Variants in BAZ1A observed in about 807,000 individuals in gnomAD.
BAZ1A encodes bromodomain adjacent to zinc finger domain 1A.
In BAZ1A, 50 loss-of-function variants were observed where a neutral mutation model predicts 185.2. The ratio of observed to expected loss-of-function variants is 0.27; its 90% CI spans 0.22 to 0.34. BAZ1A has a LOEUF of 0.34. BAZ1A is among the 10% of genes least tolerant of loss of function. BAZ1A has a pLI of 1.00. For synonymous variants in BAZ1A, 571 were observed against 615.6 expected (o/e 0.93, Z 1.07); for missense variants, 1,356 against 1,839.9 (o/e 0.74, Z 4.81).
Position 34,800,383 on chromosome 14 carries a change from T to A in BAZ1A, c.969A>T (p.Glu323Asp). The A allele has an allele frequency of 6.5e-7, 1 of 1,543,168 alleles. No individual in the cohort carries two copies. The highest frequency in any genetic ancestry group is 8.7e-7 in the Non-Finnish European group (1 of 1,153,880). The part of the protein sequence containing the change: ...KQEEMKSLAF[E>D]KAKLKREKAD... ...CTTTTTCTCTTTTTAATTTAGCCTT[T>A]TCAAAAGCTGTGAAGAAAAATCAAA... is the stretch of plus-strand genomic sequence containing the variant. Residue 323 changes from glutamate (E) to aspartate (D), a missense_variant, in exon 9 of 27, where the codon GAA (glutamate) becomes GAT (aspartate). Physicochemically the swap from Glu to Asp is conservative, Grantham distance 45 (BLOSUM62 2). Coordinates refer to ENST00000360310, the MANE Select transcript of BAZ1A (RefSeq NM_013448.3).
intron 3 of BAZ1A, among the ~76,000 whole-genome samples, chr14:34,859,871 G>A (rs765350611): frequency 3.3e-5 from 5 of 152,146 alleles, no homozygotes; most frequent in African/African-American, 4.8e-5. Context: ...TGGAGGAGTT[G>A]AGGAGTTGGG....
chr14:34,760,838 ATAAT>A (rs1886491595), intron 24 of BAZ1A, among the ~76,000 whole-genome samples: 1 of 151,892 alleles, frequency 6.6e-6, no homozygotes, highest in Admixed American at 6.6e-5. Flanking sequence ...AGTGACTGGT[ATAAT>A]TAATAATAAC....
chr14:34,775,744 A>G (rs3783317), intron 18 of BAZ1A, among the ~76,000 whole-genome samples, 175 bp downstream of exon 18: 87,452 of 152,088 alleles, frequency 0.58, 25,413 homozygotes, highest in South Asian at 0.67. Context: ...AGAGAATCTT[A>G]TTTCTATACA....
At chr14:34,866,502 A>AAAGAAAAGAAAG in intron 2 of BAZ1A, among the ~76,000 whole-genome samples, 1 of 79,538 alleles carries the variant, frequency 1.3e-5, no homozygotes, top group African/African-American at 3.8e-5. Context: ...AAAAAAAAAA[A>AAAGAAAAGAAAG]GAAAAAAGTT....
Position 34,810,982 on chromosome 14 carries a change from A to C in BAZ1A, c.591T>G (p.Thr197=), listed in dbSNP as rs759755505. 1 of 1,610,630 alleles carries C rather than the reference A, an allele frequency of 6.2e-7. No homozygotes were observed. The highest frequency in any genetic ancestry group is 1.1e-5 in the South Asian group (1 of 90,540). The change falls in exon 5 of 27, where the codon ACT becomes ACG. Residue 197 remains threonine, a synonymous_variant. Coordinates refer to ENST00000360310, the MANE Select transcript of BAZ1A (RefSeq NM_013448.3). ...TAGCAGACTCATGTAATTCTTTTTTAGTGGGTTGCACTTTATACTTGAATA... is the reference window on the plus strand; with the variant it reads ...TAGCAGACTCATGTAATTCTTTTTTCGTGGGTTGCACTTTATACTTGAATA... ...PLLFKYKVQP[T]KKELHESAIV...
chr14:34,777,644 C>CAAA (rs58853458), intron 17 of BAZ1A, among the ~76,000 whole-genome samples: 20 of 125,788 alleles, frequency 1.6e-4, no homozygotes, highest in South Asian at 2.6e-4. Context: ...ACTCTGTCTC[C>CAAA]AAAAAAAAAA....
At chr14:34,864,107 G>A (rs78760986) in intron 2 of BAZ1A, among the ~76,000 whole-genome samples, 484 of 152,128 alleles carry the variant, frequency 3.2e-3, no homozygotes, top group Middle Eastern at 6.8e-3. Flanking sequence ...ATAGGAATGA[G>A]CCACCAGACC....
chr14:34,832,335 A>T (rs2138732533), intron 3 of BAZ1A, among the ~76,000 whole-genome samples: 1 of 150,916 alleles, frequency 6.6e-6, no homozygotes, highest in East Asian at 1.9e-4. Flanking sequence ...TTATCTCAAA[A>T]TCTTCCAAGA....
rs1886094981 is a variant in BAZ1A at position 34,753,271 on chromosome 14, C to G, written c.*237G>C. On this transcript the variant is annotated 3_prime_UTR_variant, in exon 27 of 27. Coordinates refer to ENST00000360310, the MANE Select transcript of BAZ1A (RefSeq NM_013448.3). The stretch of plus-strand genomic sequence containing the variant: ...TGATCTCAAAAATGTACAAAAACCT[C>G]TGTAAACCAGTACTGTATCCAATAC... The G allele has an allele frequency of 4.7e-6, 2 of 421,536 alleles. No homozygotes were observed. Among genetic ancestry groups the G allele is most frequent in the Non-Finnish European group, 8.4e-6 (2 of 237,014 alleles). 26.1% of individuals were successfully genotyped at this position (421,536 alleles called of 1,614,324 possible).
At position 34,792,665 on chromosome 14, in the gene BAZ1A, C is replaced by A. The variant is rs980116319; in HGVS notation, c.1510+110G>T. On this transcript the variant is annotated intron_variant, in intron 12 of 26. Transcript: ENST00000360310. ...ATGATTCAACATCAGGTAACCTGAA[C>A]AACTATATTTTATAAGCATAAAAGC... 4 of 1,263,838 alleles carry A rather than the reference C, an allele frequency of 3.2e-6. No individual in the cohort carries two copies. In the African/African-American group the frequency reaches 6.1e-5, roughly 19 times the overall value. 78.3% of individuals were successfully genotyped at this position (1,263,838 alleles called of 1,614,324 possible).
At position 34,774,428 on chromosome 14, in the gene BAZ1A, G is replaced by C; in HGVS notation, c.2896C>G (p.Pro966Ala). 1 of 1,612,540 alleles carries C rather than the reference G, an allele frequency of 6.2e-7. No homozygotes were observed. Among genetic ancestry groups the C allele is most frequent in the Non-Finnish European group, 8.5e-7 (1 of 1,179,356 alleles). Residue 966 changes from proline to alanine, a missense_variant, in exon 19 of 27, where the codon CCA (proline) becomes GCA (alanine). Pro to Ala is a conservative substitution (Grantham distance 27). Around this residue, in one of 7 missense-constraint regions of BAZ1A, gnomAD observed 434 missense variants for 561.7 expected, o/e 0.77. Transcript: ENST00000360310. ...TGCTTTTCTGCACACATCTGAGATGGATCATATGCATTGGAAGATCTTCCC... is the reference window on the plus strand; with the variant it reads ...TGCTTTTCTGCACACATCTGAGATGCATCATATGCATTGGAAGATCTTCCC... Reference protein sequence around the residue: ...SRGRSSNAYDPSQMCAEKQLE... With the variant: ...SRGRSSNAYDASQMCAEKQLE...
chr14:34,811,317 A>AT (rs2041927233), intron 4 of BAZ1A, among the ~76,000 whole-genome samples: 1 of 152,106 alleles, frequency 6.6e-6, no homozygotes, highest in South Asian at 2.1e-4. Flanking sequence ...TTAATTTTGT[A>AT]TTTTTGGTAG....
chr14:34,875,095 C>A lies in BAZ1A; in HGVS notation c.-59+43G>T, dbSNP rs147854741. ...GCTCCGCTTTGTTCCCGGCTCGCCT[C>A]CACTTCCCCGCCGGCGCCGGCCGGC... is the stretch of plus-strand genomic sequence containing the variant. On this transcript the variant is annotated intron_variant, in intron 1 of 26. Transcript: ENST00000360310. 9.3e-3 allele frequency: 3,389 copies of A among 362,910 alleles called. 31 individuals are homozygous for A. The highest frequency in any genetic ancestry group is 0.015 in the Non-Finnish European group (2,740 of 182,472). The allele number at this position is 362,910 out of a possible 1,614,324, so 22.5% of individuals were successfully genotyped here. A position where few individuals can be genotyped will look rare whatever the true frequency, so the allele number is the denominator to read the frequency against.
intron 20 of BAZ1A, 114 bp downstream of exon 20, chr14:34,773,455 CACG>C (rs1490119738): frequency 7.9e-6 from 7 of 890,882 alleles, no homozygotes; most frequent in Non-Finnish European, 1.1e-5. Flanking sequence ...TCAAGGTCCT[CACG>C]ACAAGTTTTT....
chr14:34,852,035 G>A (rs747720063), intron 3 of BAZ1A, among the ~76,000 whole-genome samples: 6 of 152,134 alleles, frequency 3.9e-5, no homozygotes, highest in Admixed American at 1.3e-4. Context: ...GCTGGGGCAG[G>A]AGAATGGTGT....
At chr14:34,777,920 G>A (rs939749848) in intron 17 of BAZ1A, among the ~76,000 whole-genome samples, 2 of 152,068 alleles carry the variant, frequency 1.3e-5, no homozygotes, top group African/African-American at 4.8e-5. Flanking sequence ...GAACCCAGAA[G>A]GTGGAAGTTG....
rs568209953 is a variant in BAZ1A at position 34,776,638 on chromosome 14, C to T, written c.2237-123G>A. 7.8e-5 allele frequency: 58 copies of T among 740,530 alleles called. 1 individual carries two copies. The African/African-American group carries it at 9.2e-4, about 12-fold the overall frequency. The allele number at this position is 740,530 out of a possible 1,614,324, so 45.9% of individuals were successfully genotyped here. On this transcript the variant is annotated intron_variant, in intron 17 of 26. Coordinates refer to ENST00000360310, the MANE Select transcript of BAZ1A (RefSeq NM_013448.3). ...ACTAAACTGTATCCCCTCTCCACAA[C>T]CCCAAGTTCATATGTTGAAGCCCTA... is the stretch of plus-strand genomic sequence containing the variant.
chr14:34,776,392 T>C lies in BAZ1A; in HGVS notation c.2360A>G (p.Lys787Arg), dbSNP rs1480727093. Residue 787 changes from lysine (K) to arginine (R), a missense_variant, in exon 18 of 27, where the codon AAA becomes AGA. Around this residue, in one of 7 missense-constraint regions of BAZ1A, gnomAD observed 434 missense variants for 561.7 expected, o/e 0.77. Transcript: ENST00000360310. ...ACTTTGGATTTTTTCTAAGAGCTCTTTCTCTTTTCGTTGGTGTTCCTGTTT... is the reference window on the plus strand; with the variant it reads ...ACTTTGGATTTTTTCTAAGAGCTCTCTCTCTTTTCGTTGGTGTTCCTGTTT... ...ALKQEHQRKE[K>R]ELLEKIQSAI... is the part of the protein sequence containing the mutation. 6.2e-7 allele frequency: 1 copy of C among 1,614,112 alleles called. No individual in the cohort carries two copies. The highest frequency in any genetic ancestry group is 8.5e-7 in the Non-Finnish European group (1 of 1,180,018).
intron 3 of BAZ1A, among the ~76,000 whole-genome samples, chr14:34,854,548 A>G (rs2042644871): frequency 6.6e-6 from 1 of 152,210 alleles, no homozygotes; most frequent in Admixed American, 6.5e-5. Flanking sequence ...ATAAGCCTCA[A>G]GTCAACGGCA....
Sources: allele counts gnomAD v4.1 joint callset (sites outside exome capture counted in the v4.1 genomes callset), GRCh38; gene constraint gnomAD v4.1.1; regional missense constraint gnomAD v4.1.1; transcripts MANE v1.5; gene names NCBI Gene and HGNC (gene_info 2026-07-23, HGNC 2026-07-21).